The following NCOA6 variants were observed in gnomAD, a reference collection of about 807,000 sequenced individuals.
The protein encoded by NCOA6 is NRC RAP250.
Under a neutral mutation model 171.4 loss-of-function variants are expected in NCOA6, and 49 were observed. The observed-to-expected ratio is 0.29, with a 90% CI of 0.23 to 0.36. The LOEUF is 0.36. Ranked by LOEUF, NCOA6 falls within the 10% of genes least tolerant of loss-of-function variation. The probability of loss-of-function intolerance (pLI) is 1.00; values close to 1 mark genes in which losing one functional copy is unlikely to be tolerated. For synonymous variants in NCOA6, 910 were observed against 927.5 expected, an observed-to-expected ratio of 0.98 and a Z score of 0.34; for missense variants, 2,248 against 2,554.5, an observed-to-expected ratio of 0.88 and a Z score of 2.59.
At chr20:34,731,323 T>A (rs900963992) in intron 13 of NCOA6, among the ~76,000 whole-genome samples, 2 of 152,220 alleles carry the variant, frequency 1.3e-5, no homozygotes, top group African/African-American at 4.8e-5. Flanking sequence ...CCCAGCCTCA[T>A]TCTAGATTCT....
intron 1 of NCOA6, chr20:34,821,633 G>A (rs994643625): frequency 2.0e-5 from 3 of 151,354 alleles, no homozygotes; most frequent in African/African-American, 7.3e-5. Flanking sequence ...TGTTGCCTGG[G>A]CTGGAGTGCA....
intron 14 of NCOA6, among the ~76,000 whole-genome samples, chr20:34,717,714 C>G (rs1044849788): frequency 1.3e-5 from 2 of 152,204 alleles, no homozygotes; most frequent in African/African-American, 4.8e-5. Flanking sequence ...GAGTCTCACA[C>G]AGCCCACATA....
At chr20:34,735,818 T>C (rs2075937684) in intron 12 of NCOA6, among the ~76,000 whole-genome samples, 1 of 152,166 alleles carries the variant, frequency 6.6e-6, no homozygotes. Flanking sequence ...AAACTATACC[T>C]TACTTTTACT....
chr20:34,825,266 G>A (rs2079118592), intron 1 of NCOA6, among the ~76,000 whole-genome samples: 1 of 149,882 alleles, frequency 6.7e-6, no homozygotes, highest in Non-Finnish European at 1.5e-5. Flanking sequence ...CCTGGGGCCC[G>A]CTCCCCAACA....
Position 34,732,416 on chromosome 20 carries a change from T to C in NCOA6, c.5999+143A>G. 3 of 665,664 alleles carry C rather than the reference T, an allele frequency of 4.5e-6. No homozygotes were observed. In the South Asian group the frequency reaches 7.5e-5, roughly 17 times the overall value. 41.2% of individuals were successfully genotyped at this position (665,664 alleles called of 1,614,324 possible). ...GAGGGATTAGGACTCATGACAGCTCTCTACGTTAGCAGTAAAAACAGACTG... is the reference window on the plus strand; with the variant it reads ...GAGGGATTAGGACTCATGACAGCTCCCTACGTTAGCAGTAAAAACAGACTG... On this transcript the variant is annotated intron_variant, in intron 13 of 14. Coordinates refer to ENST00000359003, the MANE Select transcript of NCOA6 (RefSeq NM_014071.5).
At chr20:34,794,892 A>G (rs1245761612) in intron 1 of NCOA6, among the ~76,000 whole-genome samples, 1 of 152,182 alleles carries the variant, frequency 6.6e-6, no homozygotes, top group Admixed American at 6.5e-5. Context: ...ATAAGAATCC[A>G]TGAATCTCCA....
At chr20:34,781,079 T>G (rs2077503402) in intron 3 of NCOA6, among the ~76,000 whole-genome samples, 1 of 152,194 alleles carries the variant, frequency 6.6e-6, no homozygotes, top group Non-Finnish European at 1.5e-5. Flanking sequence ...TTATAATATA[T>G]AACTATGATT....
At chr20:34,794,735 T>G (rs1056027890) in intron 1 of NCOA6, among the ~76,000 whole-genome samples, 2 of 152,030 alleles carry the variant, frequency 1.3e-5, no homozygotes, top group African/African-American at 4.8e-5. Flanking sequence ...ATTTAAAAAA[T>G]GATGTTATAC....
At chr20:34,740,339 G>C (rs141947824) in intron 11 of NCOA6, 24 bp downstream of exon 11, 1,536 of 1,591,672 alleles carry the variant, frequency 9.7e-4, no homozygotes, top group Non-Finnish European at 1.0e-3. Context: ...GACACAAAGA[G>C]ATGATGAAGC....
At chr20:34,768,355 A>T in intron 5 of NCOA6, 109 bp downstream of exon 5, 2 of 1,368,672 alleles carry the variant, frequency 1.5e-6, no homozygotes, top group Non-Finnish European at 2.0e-6. Context: ...CAGCAAATAG[A>T]GATGTTAAGT....
chr20:34,776,541 G>C, intron 3 of NCOA6, 93 bp from the exon 4 acceptor site: 1 of 1,397,382 alleles, frequency 7.2e-7, no homozygotes, highest in Non-Finnish European at 1.0e-6. Flanking sequence ...AAAAGAATAA[G>C]GTGGAGCACC....
Position 34,754,723 on chromosome 20 carries a change from T to C in NCOA6, c.1674A>G (p.Ala558=), listed in dbSNP as rs538736081. The change falls in exon 8 of 15, where the codon GCA becomes GCG. Residue 558 remains alanine (A), a splice_region_variant and synonymous_variant. Transcript: ENST00000359003. The part of the protein sequence containing the change: ...QLQANQNVQH[A]GGQGAGPPQN... Reference sequence around the variant, plus strand: ...CTAAACAAATCACAGAAAACAAACCTGCATGCTGGACATTTTGATTTGCTT... The same window carrying C: ...CTAAACAAATCACAGAAAACAAACCCGCATGCTGGACATTTTGATTTGCTT... 2 of 1,614,152 alleles carry C rather than the reference T, an allele frequency of 1.2e-6. No individual in the cohort carries two copies. Among genetic ancestry groups the C allele is most frequent in the Admixed American group, 3.3e-5 (2 of 60,016 alleles).
chr20:34,728,664 G>T (rs771468196), intron 13 of NCOA6, among the ~76,000 whole-genome samples: 8 of 152,182 alleles, frequency 5.3e-5, no homozygotes, highest in Non-Finnish European at 1.2e-4. Flanking sequence ...TTTTTACAGA[G>T]CTCCACACAT....
At chr20:34,751,226 C>T (rs978422717) in intron 8 of NCOA6, among the ~76,000 whole-genome samples, 12 of 148,278 alleles carry the variant, frequency 8.1e-5, no homozygotes, top group South Asian at 4.3e-4. Context: ...AAAAATTAGC[C>T]GGGCGCGGTG....
chr20:34,797,749 G>A (rs2424998), intron 1 of NCOA6, among the ~76,000 whole-genome samples: 23,891 of 151,952 alleles, frequency 0.16, 2,072 homozygotes, highest in South Asian at 0.32. Flanking sequence ...TTAGCTGGGC[G>A]TGGTGGTGCA....
intron 9 of NCOA6, 66 bp downstream of exon 9, chr20:34,749,337 C>T: frequency 6.6e-7 from 1 of 1,505,704 alleles, no homozygotes; most frequent in Non-Finnish European, 8.9e-7. Context: ...TAAAATTTTC[C>T]ATCAAAAAAG....
chr20:34,751,829 G>A (rs577661330), intron 8 of NCOA6, among the ~76,000 whole-genome samples: 3 of 152,156 alleles, frequency 2.0e-5, no homozygotes, highest in Admixed American at 6.5e-5. Flanking sequence ...TTATCTCCCC[G>A]TTTAACTGAA....
At chr20:34,797,805 T>TTGAACC (rs1349602758) in intron 1 of NCOA6, among the ~76,000 whole-genome samples, 1 of 152,034 alleles carries the variant, frequency 6.6e-6, no homozygotes, top group Non-Finnish European at 1.5e-5. Context: ...GAAGAACTGC[T>TTGAACC]TGAACCTGAA....
intron 1 of NCOA6, among the ~76,000 whole-genome samples, chr20:34,812,290 C>A (rs941431695): frequency 6.6e-6 from 1 of 151,608 alleles, no homozygotes; most frequent in Admixed American, 6.6e-5. Flanking sequence ...CTATTTCATG[C>A]TTATTCTCAG....
Sources: gnomAD v4.1 joint callset for allele counts (sites outside exome capture counted in the v4.1 genomes callset) on GRCh38, gnomAD v4.1.1 for gene constraint, MANE v1.5 for transcripts, NCBI Gene and HGNC (gene_info 2026-07-23, HGNC 2026-07-21) for gene names.